The following ENOX1 variants were observed in gnomAD, a reference collection of about 807,000 sequenced individuals.
ENOX1 encodes the protein candidate growth-related and time keeping constitutive hydroquinone (NADH) oxidase.
A neutral mutation model predicts 82.5 loss-of-function variants in ENOX1; 42 were observed. That is an observed-to-expected ratio of 0.51 (90% confidence interval 0.40 to 0.66). The LOEUF (loss-of-function observed/expected upper bound fraction) is 0.66. Among genes scored for constraint, ENOX1 ranks in the 30% least tolerant of loss-of-function variants. The pLI is 0.00. For synonymous variants in ENOX1, 271 were observed against 282.2 expected, an observed-to-expected ratio of 0.96 and a Z score of 0.40; for missense variants, 608 against 811.6, an observed-to-expected ratio of 0.75 and a Z score of 3.05.
chr13:43,269,140 T>C (rs2044544860), intron 13 of ENOX1, among the ~76,000 whole-genome samples: 1 of 152,194 alleles, frequency 6.6e-6, no homozygotes, highest in Admixed American at 6.5e-5. Flanking sequence ...TCCTCACTGT[T>C]AGACTTAAGA....
chr13:43,259,667 G>T (rs544048548), intron 14 of ENOX1, among the ~76,000 whole-genome samples: 2 of 152,062 alleles, frequency 1.3e-5, no homozygotes, highest in Non-Finnish European at 2.9e-5. Context: ...GTAGAGACAG[G>T]GTTTCACCAT....
At chr13:43,618,627 G>C (rs866796543) in intron 2 of ENOX1, among the ~76,000 whole-genome samples, 1 of 152,144 alleles carries the variant, frequency 6.6e-6, no homozygotes, top group African/African-American at 2.4e-5. Context: ...GTACAACACT[G>C]TTTTGGTGAC....
chr13:43,679,289 T>G (rs562250724), intron 1 of ENOX1, among the ~76,000 whole-genome samples: 1 of 152,302 alleles, frequency 6.6e-6, no homozygotes, highest in African/African-American at 2.4e-5. Flanking sequence ...TTTCTTCCTG[T>G]GGTCAGCAGC....
At chr13:43,463,020 G>A (rs1383740897) in intron 3 of ENOX1, among the ~76,000 whole-genome samples, 2 of 152,208 alleles carry the variant, frequency 1.3e-5, no homozygotes, top group African/African-American at 4.8e-5. Context: ...AATACTCAAA[G>A]AAGAAAATTA....
chr13:43,222,949 G>T (rs1183747823), intron 16 of ENOX1, among the ~76,000 whole-genome samples: 1 of 152,116 alleles, frequency 6.6e-6, no homozygotes, highest in Non-Finnish European at 1.5e-5. Flanking sequence ...ACCCTGTTTT[G>T]TTCTACCCTG....
chr13:43,468,503 A>G (rs1170025543), intron 3 of ENOX1, among the ~76,000 whole-genome samples: 1 of 152,042 alleles, frequency 6.6e-6, no homozygotes, highest in Non-Finnish European at 1.5e-5. Flanking sequence ...TTAAAAAGCC[A>G]GTCAAAGCAG....
intron 1 of ENOX1, among the ~76,000 whole-genome samples, chr13:43,697,786 C>G (rs530125620): frequency 6.6e-6 from 1 of 152,192 alleles, no homozygotes; most frequent in Non-Finnish European, 1.5e-5. Context: ...CCAGAAGTAA[C>G]TCTACCTCCC....
intron 2 of ENOX1, among the ~76,000 whole-genome samples, chr13:43,568,770 T>C (rs1187178803): frequency 6.6e-6 from 1 of 152,098 alleles, no homozygotes. Flanking sequence ...AATTATTATT[T>C]TCATCCCCAC....
chr13:43,470,206 G>GTATA lies in ENOX1; in HGVS notation c.-75+13799_-75+13802dup, dbSNP rs375850161. The stretch of plus-strand genomic sequence containing the variant: ...TATGTGTGTGTGTATATATATATGT[G>GTATA]TATATATATATGTGTGTGTATGTGT... On this transcript the variant is annotated intron_variant, in intron 3 of 16. Coordinates refer to ENST00000690772, the MANE Select transcript of ENOX1 (RefSeq NM_001347969.2). 2.3e-3 allele frequency among the ~76,000 whole-genome samples: 171 copies of GTATA among 75,600 alleles called. 1 individual carries two copies. The highest frequency in any genetic ancestry group is 6.1e-3 in the African/African-American group (158 of 25,914). 49.6% of individuals were successfully genotyped at this position (75,600 alleles called of 152,430 possible).
intron 2 of ENOX1, among the ~76,000 whole-genome samples, chr13:43,639,233 C>T (rs917253527): frequency 1.5e-4 from 23 of 152,060 alleles, no homozygotes; most frequent in African/African-American, 5.3e-4. Flanking sequence ...ACCCGGGAGG[C>T]GGAGGTTGCA....
chr13:43,578,866 T>C (rs1266280657), intron 2 of ENOX1, among the ~76,000 whole-genome samples: 1 of 152,194 alleles, frequency 6.6e-6, no homozygotes, highest in Non-Finnish European at 1.5e-5. Context: ...CCCAATGATA[T>C]ATAAAACTTT....
intron 11 of ENOX1, among the ~76,000 whole-genome samples, chr13:43,307,870 G>A (rs1236995380): frequency 2.0e-5 from 3 of 152,224 alleles, no homozygotes; most frequent in Non-Finnish European, 4.4e-5. Flanking sequence ...GCACCCAGGA[G>A]AGGCCAGGCT....
chr13:43,645,686 C>A lies in ENOX1; in HGVS notation c.-219+21793G>T, dbSNP rs79427882. Reference sequence around the variant, plus strand: ...TTTAAGCAACAAGTTTGGTTGAATCCCTATTCCAAATTATTTAGTAGAACT... The same window carrying A: ...TTTAAGCAACAAGTTTGGTTGAATCACTATTCCAAATTATTTAGTAGAACT... On this transcript the variant is annotated intron_variant, in intron 2 of 16. Transcript: ENST00000690772. 9.9e-3 allele frequency among the ~76,000 whole-genome samples: 1,501 copies of A among 151,956 alleles called. 29 individuals carry two copies. Among genetic ancestry groups the A allele is most frequent in the African/African-American group, 0.034 (1,425 of 41,442 alleles).
At chr13:43,638,508 C>T (rs933491507) in intron 2 of ENOX1, among the ~76,000 whole-genome samples, 7 of 152,106 alleles carry the variant, frequency 4.6e-5, no homozygotes, top group Non-Finnish European at 1.5e-5. Flanking sequence ...AAACTGATTC[C>T]TAACCTAGTA....
intron 3 of ENOX1, among the ~76,000 whole-genome samples, chr13:43,452,163 G>A (rs2153631430): frequency 6.6e-6 from 1 of 152,146 alleles, no homozygotes; most frequent in Non-Finnish European, 1.5e-5. Context: ...GGGTACATGT[G>A]CAGAATGTGC....
chr13:43,262,949 T>A (rs1291090698), intron 14 of ENOX1, among the ~76,000 whole-genome samples: 1 of 152,154 alleles, frequency 6.6e-6, no homozygotes, highest in Admixed American at 6.5e-5. Flanking sequence ...ATTCAAACCC[T>A]CTCAGTCGGG....
At chr13:43,620,950 T>G (rs1236616789) in intron 2 of ENOX1, among the ~76,000 whole-genome samples, 1 of 152,202 alleles carries the variant, frequency 6.6e-6, no homozygotes, top group Non-Finnish European at 1.5e-5. Context: ...CATGTATGTT[T>G]AGGATTGTGA....
chr13:43,606,307 GTTATATACCCAAAAGAAA>G (rs997906160), intron 2 of ENOX1, among the ~76,000 whole-genome samples: 3 of 152,148 alleles, frequency 2.0e-5, no homozygotes, highest in African/African-American at 7.2e-5. Context: ...GCCACTGTGA[GTTATATACCCAAAAGAAA>G]GGAAATCAGT....
chr13:43,683,441 C>T (rs1423857579), intron 1 of ENOX1, among the ~76,000 whole-genome samples: 1 of 152,006 alleles, frequency 6.6e-6, no homozygotes, highest in African/African-American at 2.4e-5. Flanking sequence ...ATCATCTTTC[C>T]CAATGAGATG....
Sources: allele counts gnomAD v4.1 joint callset (sites outside exome capture counted in the v4.1 genomes callset), GRCh38; gene constraint gnomAD v4.1.1; transcripts MANE v1.5; gene names NCBI Gene and HGNC (gene_info 2026-07-23, HGNC 2026-07-21).